The following SORBS2 variants were observed in gnomAD, a reference collection of about 807,000 sequenced individuals.
SORBS2 encodes the protein sorbin and SH3 domain-containing protein 2.
In SORBS2, 46 loss-of-function variants were observed where a neutral mutation model predicts 97.7. That is an observed-to-expected ratio of 0.47 (90% CI 0.37 to 0.60). The LOEUF (loss-of-function observed/expected upper bound fraction) is 0.60. Among genes scored for constraint, SORBS2 ranks in the 20% least tolerant of loss-of-function variants. The pLI is 0.00. For missense variants in SORBS2, 1,316 were observed against 1,282.3 expected (o/e 1.03, Z -0.40); for synonymous variants, 476 against 473.4 (o/e 1.01, Z -0.07).
At chr4:185,651,076 A>G (rs185824584) in intron 2 of SORBS2, among the ~76,000 whole-genome samples, 1 of 152,154 alleles carries the variant, frequency 6.6e-6, no homozygotes, top group South Asian at 2.1e-4. Context: ...AGAAAGAAGA[A>G]AAAAAATAGT....
chr4:185,727,167 C>T (rs531526011), intron 2 of SORBS2, among the ~76,000 whole-genome samples: 20 of 152,172 alleles, frequency 1.3e-4, no homozygotes, highest in African/African-American at 2.2e-4. Context: ...GGCTACTAAA[C>T]GAGTCATTCA....
At chr4:185,808,182 C>T (rs1387205936) in intron 1 of SORBS2, among the ~76,000 whole-genome samples, 1 of 152,042 alleles carries the variant, frequency 6.6e-6, no homozygotes, top group African/African-American at 2.4e-5. Flanking sequence ...TTAAGAATTG[C>T]TATTTATCTT....
chr4:185,841,367 G>T (rs192093584), intron 1 of SORBS2, among the ~76,000 whole-genome samples: 2 of 152,296 alleles, frequency 1.3e-5, no homozygotes, highest in African/African-American at 4.8e-5. Flanking sequence ...TGAGGGAAAT[G>T]TTGGGTAAAA....
intron 2 of SORBS2, chr4:185,771,299 C>A (rs1036025314): frequency 6.6e-5 from 10 of 152,114 alleles, no homozygotes; most frequent in African/African-American, 2.4e-4. Context: ...CCTATCCTTC[C>A]CCTTTTTCTG....
At chr4:185,673,974 C>T (rs2097758137) in intron 4 of SORBS2, among the ~76,000 whole-genome samples, 1 of 152,200 alleles carries the variant, frequency 6.6e-6, no homozygotes, top group African/African-American at 2.4e-5. Context: ...GTCTCCTCCA[C>T]TGCTTCTTCC....
At chr4:185,813,577 C>G (rs1045635139) in intron 1 of SORBS2, among the ~76,000 whole-genome samples, 2 of 152,210 alleles carry the variant, frequency 1.3e-5, no homozygotes, top group Non-Finnish European at 2.9e-5. Context: ...CCCTCAGCCT[C>G]CCATTCTACT....
intron 1 of SORBS2, 102 bp from the exon 1 acceptor site, chr4:185,812,296 A>C (rs2099187996): frequency 6.6e-6 from 1 of 152,286 alleles, no homozygotes. Flanking sequence ...AACAACCAAC[A>C]GACAGACTTA....
At chr4:185,806,995 G>GAT (rs2099159691) in intron 1 of SORBS2, among the ~76,000 whole-genome samples, 1 of 152,094 alleles carries the variant, frequency 6.6e-6, no homozygotes, top group East Asian at 1.9e-4. Context: ...CAAAGCAGAG[G>GAT]ATATAATTCA....
At chr4:185,933,453 C>G (rs1409147728) in intron 1 of SORBS2, 1 of 152,072 alleles carries the variant, frequency 6.6e-6, no homozygotes, top group East Asian at 1.9e-4. Context: ...AATGCATTAT[C>G]TCACAGTTCT....
chr4:185,845,383 C>A (rs2099213986), intron 1 of SORBS2, among the ~76,000 whole-genome samples: 1 of 152,056 alleles, frequency 6.6e-6, no homozygotes. Flanking sequence ...TAGTGAATAT[C>A]ACTGAATTAC....
chr4:185,695,317 T>C (rs2098160794), intron 2 of SORBS2, among the ~76,000 whole-genome samples: 1 of 152,172 alleles, frequency 6.6e-6, no homozygotes, highest in Non-Finnish European at 1.5e-5. Context: ...ACCAAGACCA[T>C]GTATGAAACT....
intron 2 of SORBS2, among the ~76,000 whole-genome samples, chr4:185,704,549 C>T (rs893096068): frequency 5.9e-5 from 9 of 152,044 alleles, no homozygotes; most frequent in Non-Finnish European, 1.2e-4. Context: ...GAGTTCCTGA[C>T]CTCAGGTGAT....
chr4:185,669,958 C>G (rs763604512), intron 4 of SORBS2, among the ~76,000 whole-genome samples: 17 of 152,172 alleles, frequency 1.1e-4, no homozygotes, highest in Non-Finnish European at 2.4e-4. Context: ...GTGGCTCACA[C>G]CTGTAATCCC....
intron 4 of SORBS2, among the ~76,000 whole-genome samples, chr4:185,639,509 G>A (rs2097092568): frequency 6.6e-6 from 1 of 152,184 alleles, no homozygotes; most frequent in Non-Finnish European, 1.5e-5. Flanking sequence ...CAGATGTAGA[G>A]TGTTTACCTT....
At chr4:185,939,901 A>G (rs2099271010) in intron 1 of SORBS2, among the ~76,000 whole-genome samples, 1 of 152,148 alleles carries the variant, frequency 6.6e-6, no homozygotes, top group Admixed American at 6.5e-5. Context: ...CATTCTCATC[A>G]TAGTCACCAA....
intron 1 of SORBS2, among the ~76,000 whole-genome samples, chr4:185,877,883 A>AAAAAAAAAAAAAAAG (rs1344109012): frequency 1.4e-5 from 2 of 145,180 alleles, no homozygotes. Flanking sequence ...ACAAAAAAAA[A>AAAAAAAAAAAAAAAG]AAAGAAAGAA....
chr4:185,886,012 C>T (rs12643665), intron 1 of SORBS2, among the ~76,000 whole-genome samples: 40,739 of 152,036 alleles, frequency 0.27, 5,713 homozygotes, highest in East Asian at 0.53. Context: ...TAAGTTACTG[C>T]GCCCCTTAGT....
intron 1 of SORBS2, among the ~76,000 whole-genome samples, chr4:185,870,084 C>T (rs1275786054): frequency 6.6e-6 from 1 of 152,128 alleles, no homozygotes; most frequent in Non-Finnish European, 1.5e-5. Flanking sequence ...AACAACTAAC[C>T]ACTACAGTAA....
chr4:185,920,958 G>A (rs1302865082), intron 1 of SORBS2, among the ~76,000 whole-genome samples: 1 of 152,186 alleles, frequency 6.6e-6, no homozygotes, highest in Non-Finnish European at 1.5e-5. Flanking sequence ...ATGAGGGTTT[G>A]AGTAGCGAAT....
Sources: allele counts gnomAD v4.1 joint callset (sites outside exome capture counted in the v4.1 genomes callset), GRCh38; gene constraint gnomAD v4.1.1; transcripts MANE v1.5; gene names NCBI Gene and HGNC (gene_info 2026-07-23, HGNC 2026-07-21).